The following FANCI variants were observed in gnomAD, a reference collection of about 807,000 sequenced individuals.
The protein encoded by FANCI is Fanconi anemia group I protein.
A neutral mutation model predicts 176.1 loss-of-function variants in FANCI; 156 were observed. That is an observed-to-expected ratio of 0.89 (90% confidence interval 0.78 to 1.01). FANCI has a LOEUF of 1.01. Among genes scored for constraint, FANCI ranks in the 50% least tolerant of loss-of-function variants. FANCI has a pLI of 0.00. For synonymous variants in FANCI, 613 were observed against 541.7 expected (o/e 1.13, Z -1.83); for missense variants, 1,678 against 1,534.1 (o/e 1.09, Z -1.57).
At chr15:89,302,485 T>C (rs2054558839) in intron 27 of FANCI, among the ~76,000 whole-genome samples, 1 of 152,102 alleles carries the variant, frequency 6.6e-6, no homozygotes, top group Admixed American at 6.5e-5. Flanking sequence ...ATTTAAAAAT[T>C]TTTCTTTTTT....
intron 2 of FANCI, among the ~76,000 whole-genome samples, chr15:89,253,141 A>C (rs772447936): frequency 2.3e-4 from 35 of 152,244 alleles, no homozygotes; most frequent in Non-Finnish European, 5.9e-5. Context: ...GTAATGCATA[A>C]GAATGGAAAG....
intron 14 of FANCI, among the ~76,000 whole-genome samples, chr15:89,280,584 C>T (rs904107280): frequency 2.6e-5 from 4 of 151,830 alleles, no homozygotes; most frequent in Admixed American, 6.6e-5. Context: ...TCCTTCTCCT[C>T]ATTGCTTTCC....
chr15:89,312,962 C>G lies in FANCI; in HGVS notation c.3710C>G (p.Ala1237Gly). The part of the protein sequence containing the change: ...GEKKEKPAAV[A>G]TAMARVLRET... ...AAAAAGGAGAAACCTGCTGCCGTTG[C>G]CACAGCCATGGTAAGCTGCTGACAC... Residue 1237 changes from alanine to glycine, a missense_variant, in exon 35 of 38, where the codon GCC (alanine) becomes GGC (glycine). By Grantham distance (60) the Ala-to-Gly change is moderately conservative (BLOSUM62 0). Coordinates refer to ENST00000310775, the MANE Select transcript of FANCI (RefSeq NM_001113378.2). The G allele has an allele frequency of 6.2e-7, 1 of 1,613,856 alleles. No homozygotes were observed. The highest frequency in any genetic ancestry group is 8.5e-7 in the Non-Finnish European group (1 of 1,179,916).
intron 32 of FANCI, among the ~76,000 whole-genome samples, chr15:89,306,641 G>C (rs908348356): frequency 5.9e-5 from 9 of 152,058 alleles, no homozygotes; most frequent in African/African-American, 2.2e-4. Flanking sequence ...GCAGTGAGCT[G>C]AGATTGTGCC....
chr15:89,304,777 CTTT>C (rs5814364), intron 28 of FANCI, among the ~76,000 whole-genome samples: 3 of 143,754 alleles, frequency 2.1e-5, no homozygotes, highest in Non-Finnish European at 3.1e-5. Context: ...TATAACTTAA[CTTT>C]TTTTTTTTTT....
intron 8 of FANCI, among the ~76,000 whole-genome samples, chr15:89,264,321 C>T (rs1398256105): frequency 1.3e-5 from 2 of 152,188 alleles, no homozygotes; most frequent in East Asian, 3.9e-4. Context: ...GACTATAGGC[C>T]CCATAAATTC....
Position 89,301,373 on chromosome 15 carries a change from CAAAGAAGCCCTCCTGCT to C in FANCI, c.2939_2955del (p.Lys980SerfsTer55). 6.2e-7 allele frequency: 1 copy of C among 1,614,110 alleles called. No individual in the cohort carries two copies. Among genetic ancestry groups the C allele is most frequent in the Admixed American group, 1.7e-5 (1 of 60,020 alleles). ...GCAGTCAAGAGGAAGATTTTAATAG[CAAAGAAGCCCTCCTGCT>C]AGTCACGGTTCTTACCAGTTTGTCC... On this transcript the variant is annotated frameshift_variant, in exon 27 of 38. Coordinates refer to ENST00000310775, the MANE Select transcript of FANCI (RefSeq NM_001113378.2). LOFTEE classifies it high-confidence loss of function.
At chr15:89,279,534 C>T (rs755581529) in intron 14 of FANCI, among the ~76,000 whole-genome samples, 10 of 152,252 alleles carry the variant, frequency 6.6e-5, no homozygotes, top group Non-Finnish European at 1.3e-4. Flanking sequence ...AAAATTTCTC[C>T]GTGTCATTCA....
At chr15:89,312,836 T>C in intron 34 of FANCI, 68 bp from the exon 35 acceptor site, 2 of 1,119,182 alleles carry the variant, frequency 1.8e-6, no homozygotes, top group Non-Finnish European at 2.6e-6. Context: ...AAAAAAAAAA[T>C]TAGCACTAGC....
chr15:89,286,450 T>C (rs1269727328), intron 18 of FANCI, among the ~76,000 whole-genome samples: 1 of 152,198 alleles, frequency 6.6e-6, no homozygotes, highest in Non-Finnish European at 1.5e-5. Context: ...CAGAGGATAT[T>C]GTGGTAGCAT....
intron 2 of FANCI, 80 bp from the exon 3 acceptor site, chr15:89,258,624 G>A: frequency 1.9e-6 from 2 of 1,034,758 alleles, no homozygotes; most frequent in Admixed American, 1.7e-5. Flanking sequence ...TGACAGAAGA[G>A]TACTTTTTCA....
chr15:89,307,389 G>T, intron 32 of FANCI, 87 bp from the exon 33 acceptor site: 1 of 1,299,588 alleles, frequency 7.7e-7, no homozygotes, highest in Non-Finnish European at 1.1e-6. Flanking sequence ...CAGTCAGAAT[G>T]ATGAGTCACA....
intron 17 of FANCI, among the ~76,000 whole-genome samples, chr15:89,283,678 CTT>C (rs1181925146): frequency 6.6e-6 from 1 of 151,850 alleles, no homozygotes; most frequent in Non-Finnish European, 1.5e-5. Flanking sequence ...GACTTTATCT[CTT>C]TCTCTTTTTT....
chr15:89,244,899 T>C (rs182044264), intron 1 of FANCI, among the ~76,000 whole-genome samples: 6 of 152,328 alleles, frequency 3.9e-5, no homozygotes, highest in Middle Eastern at 3.4e-3. Context: ...GTTTTCCCTA[T>C]TATAGGGGTT....
chr15:89,263,973 A>T lies in FANCI; in HGVS notation c.616A>T (p.Asn206Tyr). 6.2e-7 allele frequency: 1 copy of T among 1,614,072 alleles called. No individual in the cohort carries two copies. The highest frequency in any genetic ancestry group is 8.5e-7 in the Non-Finnish European group (1 of 1,179,946). Residue 206 changes from asparagine to tyrosine, a missense_variant, in exon 8 of 38, where the codon AAT (asparagine) becomes TAT (tyrosine). Physicochemically the swap from Asn to Tyr is moderately radical, Grantham distance 143 (BLOSUM62 -2). Around this residue, in one of 3 missense-constraint regions of FANCI, gnomAD observed 469 missense variants for 436.9 expected, o/e 1.07. Transcript: ENST00000310775. ...AGCATTGAGCATGTTCTCCAAGATG[A>T]ATCTTCAAGAAATACCACCTTTGGT... ...EKALSMFSKM[N>Y]LQEIPPLVYQ...
At chr15:89,260,214 C>T (rs1374492635) in intron 3 of FANCI, among the ~76,000 whole-genome samples, 2 of 151,638 alleles carry the variant, frequency 1.3e-5, no homozygotes, top group Non-Finnish European at 2.9e-5. Context: ...TGATATGTTC[C>T]AGGATCGGCA....
Position 89,293,794 on chromosome 15 carries a change from G to A in FANCI, c.2292-39G>A, listed in dbSNP as rs748259278. 5.0e-6 allele frequency: 8 copies of A among 1,593,512 alleles called. No individual in the cohort carries two copies. The African/African-American group carries it at 6.7e-5, about 13-fold the overall frequency. On this transcript the variant is annotated intron_variant, in intron 22 of 37. Transcript: ENST00000310775. ...ATGTAAAAGTAAACCACAATATTCT[G>A]ATGTTTGTCCTTAGCGGTCTCTTTT...
chr15:89,294,846 C>T (rs983202312), intron 23 of FANCI, 69 bp from the exon 24 acceptor site: 11 of 1,486,534 alleles, frequency 7.4e-6, no homozygotes, highest in Non-Finnish European at 8.1e-6. Context: ...TTCTAGAAAG[C>T]TTAATTCCAT....
chr15:89,307,656 T>C lies in FANCI; in HGVS notation c.3635T>C (p.Phe1212Ser), dbSNP rs775483853. The C allele has an allele frequency of 2.5e-6, 4 of 1,614,084 alleles. No homozygotes were observed. The highest frequency in any genetic ancestry group is 3.4e-6 in the Non-Finnish European group (4 of 1,180,044). ...CATCTGACCCCCCTGTGTTATTCTT[T>C]CATTTCTTACGTACAGGTAAGAGAT... ...GSHLTPLCYSFISYVQNKSKS... is the reference protein window; with the variant it reads ...GSHLTPLCYSSISYVQNKSKS... Residue 1212 changes from phenylalanine (F) to serine (S), a missense_variant, in exon 34 of 38, where the codon TTC becomes TCC. By Grantham distance (155) the Phe-to-Ser change is radical. Around this residue, in one of 3 missense-constraint regions of FANCI, gnomAD observed 1,204 missense variants for 1,077.4 expected, o/e 1.12. Coordinates refer to ENST00000310775, the MANE Select transcript of FANCI (RefSeq NM_001113378.2).
Sources: gnomAD v4.1 joint callset for allele counts (sites outside exome capture counted in the v4.1 genomes callset) on GRCh38, gnomAD v4.1.1 for gene constraint, gnomAD v4.1.1 regional missense constraint, MANE v1.5 for transcripts, NCBI Gene and HGNC (gene_info 2026-07-23, HGNC 2026-07-21) for gene names.